Variants in PDZRN3 observed in about 807,000 individuals in gnomAD.
PDZRN3 encodes the protein PDZ domain containing ring finger 3.
Under a neutral mutation model 85.7 loss-of-function variants are expected in PDZRN3, and 38 were observed. The ratio of observed to expected loss-of-function variants is 0.44; its 90% confidence interval spans 0.34 to 0.58. The LOEUF is 0.58. Among genes scored for constraint, PDZRN3 ranks in the 20% least tolerant of loss-of-function variants. The probability of loss-of-function intolerance (pLI) is 0.01; values close to 1 mark genes in which losing one functional copy is unlikely to be tolerated. For missense variants in PDZRN3, 1,629 were observed against 1,506.4 expected (o/e 1.08, Z -1.35); for synonymous variants, 759 against 638.0 (o/e 1.19, Z -2.86).
chr3:73,452,190 A>T (rs1272684956), intron 3 of PDZRN3, among the ~76,000 whole-genome samples: 1 of 152,102 alleles, frequency 6.6e-6, no homozygotes, highest in Non-Finnish European at 1.5e-5. Context: ...ATCTCCAGCC[A>T]TCATTCCACA....
intron 3 of PDZRN3, among the ~76,000 whole-genome samples, chr3:73,438,200 G>A (rs1292780265): frequency 6.6e-6 from 1 of 152,172 alleles, no homozygotes; most frequent in Non-Finnish European, 1.5e-5. Flanking sequence ...CACACAATGA[G>A]ACAAACAGAT....
At chr3:73,604,849 G>C (rs1041159016) in intron 2 of PDZRN3, among the ~76,000 whole-genome samples, 1 of 152,156 alleles carries the variant, frequency 6.6e-6, no homozygotes, top group Non-Finnish European at 1.5e-5. Flanking sequence ...GCAAAAATCA[G>C]AGAGGAAGAA....
At chr3:73,535,524 T>C (rs975337509) in intron 3 of PDZRN3, among the ~76,000 whole-genome samples, 3 of 152,192 alleles carry the variant, frequency 2.0e-5, no homozygotes, top group Non-Finnish European at 4.4e-5. Flanking sequence ...CCTATCCATA[T>C]TCCCAAAGCT....
rs141978067 is a variant in PDZRN3, at chr3:73,454,806, T to G, written c.919-50411A>C. The stretch of plus-strand genomic sequence containing the variant: ...TAACTAAATAGATTTTTTAAAAGCA[T>G]GAACAAATACTACAAAACATCCAAA... On this transcript the variant is annotated intron_variant, in intron 3 of 9. Coordinates refer to ENST00000263666, the MANE Select transcript of PDZRN3 (RefSeq NM_015009.3). 1.9e-4 allele frequency among the ~76,000 whole-genome samples: 29 copies of G among 152,318 alleles called. No individual in the cohort carries two copies. In the East Asian group the frequency reaches 5.6e-3, roughly 29 times the overall value.
At chr3:73,566,180 A>G (rs567499830) in intron 3 of PDZRN3, among the ~76,000 whole-genome samples, 6 of 152,348 alleles carry the variant, frequency 3.9e-5, no homozygotes, top group Non-Finnish European at 8.8e-5. Context: ...TCATTCAGCA[A>G]CTTTGCAATT....
At chr3:73,565,019 T>A (rs538054892) in intron 3 of PDZRN3, among the ~76,000 whole-genome samples, 102 of 152,124 alleles carry the variant, frequency 6.7e-4, no homozygotes, top group Non-Finnish European at 1.3e-3. Flanking sequence ...TACAGAGTGT[T>A]AAGGTAACTG....
At chr3:73,446,046 T>C (rs1053052655) in intron 3 of PDZRN3, among the ~76,000 whole-genome samples, 5 of 152,204 alleles carry the variant, frequency 3.3e-5, no homozygotes, top group Admixed American at 2.0e-4. Flanking sequence ...TCCCTGGGGG[T>C]AAGCACAAGT....
chr3:73,402,554 A>C (rs1303156984), intron 4 of PDZRN3: 1 of 152,246 alleles, frequency 6.6e-6, no homozygotes, highest in Non-Finnish European at 1.5e-5. Context: ...GCACATGTGC[A>C]CACTGTGAGT....
intron 4 of PDZRN3, among the ~76,000 whole-genome samples, chr3:73,402,909 G>A (rs556745433): frequency 1.3e-5 from 2 of 151,006 alleles, no homozygotes; most frequent in Admixed American, 1.3e-4. Context: ...GAGAGGCTGT[G>A]TCCTCAGATG....
intron 5 of PDZRN3, among the ~76,000 whole-genome samples, chr3:73,394,904 T>A (rs1173386029): frequency 6.6e-6 from 1 of 152,172 alleles, no homozygotes; most frequent in Admixed American, 6.5e-5. Context: ...TCTGTACGGA[T>A]TTATGGTTTA....
At chr3:73,511,960 G>T (rs189430063) in intron 3 of PDZRN3, among the ~76,000 whole-genome samples, 1 of 152,320 alleles carries the variant, frequency 6.6e-6, no homozygotes, top group African/African-American at 2.4e-5. Context: ...ACTTCTGATT[G>T]GTACGAATGT....
At position 73,383,281 on chromosome 3, in the gene PDZRN3, C is replaced by T. The variant is rs1013875895; in HGVS notation, c.*84G>A. 6 of 1,327,766 alleles carry T rather than the reference C, an allele frequency of 4.5e-6. No individual in the cohort carries two copies. In the Admixed American group the frequency reaches 9.0e-5, roughly 20 times the overall value. The allele number at this position is 1,327,766 out of a possible 1,614,324, so 82.2% of individuals were successfully genotyped here. A position where few individuals can be genotyped will look rare whatever the true frequency, so the allele number is the denominator to read the frequency against. ...ATGAAGACCGTACTTATCTTATATA[C>T]AAAAACTTGCCGCATTGAACGAGGC... is the stretch of plus-strand genomic sequence containing the variant. On this transcript the variant is annotated 3_prime_UTR_variant, in exon 10 of 10. Transcript: ENST00000263666.
intron 3 of PDZRN3, among the ~76,000 whole-genome samples, chr3:73,556,117 A>G (rs1054238356): frequency 3.3e-5 from 5 of 152,230 alleles, no homozygotes; most frequent in Non-Finnish European, 5.9e-5. Context: ...AATGAACATA[A>G]TAATTGCCAA....
intron 3 of PDZRN3, among the ~76,000 whole-genome samples, chr3:73,432,381 G>A (rs1441046682): frequency 2.6e-5 from 4 of 152,184 alleles, no homozygotes; most frequent in Non-Finnish European, 2.9e-5. Flanking sequence ...GTCACAGGTC[G>A]GAAATGTATT....
At chr3:73,405,843 C>T (rs1440375528) in intron 3 of PDZRN3, among the ~76,000 whole-genome samples, 1 of 152,220 alleles carries the variant, frequency 6.6e-6, no homozygotes, top group East Asian at 1.9e-4. Context: ...TTCAGTTTCC[C>T]TATGTCCAGG....
At chr3:73,624,057 C>T in intron 1 of PDZRN3, 46 bp downstream of exon 1, 1 of 1,393,850 alleles carries the variant, frequency 7.2e-7, no homozygotes, top group Non-Finnish European at 9.2e-7. Flanking sequence ...GGCCCTGGGT[C>T]CCCAGGGATC....
In PDZRN3 at chr3:73,383,916, T is replaced by A. The variant is rs754812664; in HGVS notation, c.2650A>T (p.Met884Leu). ...PAHAQHYQSY[M>L]QLIQQKSAVE... ...GCCGACTTCTGCTGGATCAGCTGCA[T>A]GTAGCTCTGGTAGTGCTGGGCGTGC... is the stretch of plus-strand genomic sequence containing the variant. Residue 884 changes from methionine to leucine, a missense_variant, in exon 10 of 10, where the codon ATG becomes TTG. Transcript: ENST00000263666. 4 of 1,611,560 alleles carry A rather than the reference T, an allele frequency of 2.5e-6. No individual in the cohort carries two copies. The Admixed American group carries it at 5.0e-5, about 20-fold the overall frequency.
intron 5 of PDZRN3, among the ~76,000 whole-genome samples, chr3:73,397,847 T>C (rs561353230): frequency 2.6e-5 from 4 of 152,226 alleles, no homozygotes; most frequent in African/African-American, 7.2e-5. Context: ...CTGGCTGCTA[T>C]GGACTCAGAG....
chr3:73,553,858 G>C (rs1454220962), intron 3 of PDZRN3, among the ~76,000 whole-genome samples: 1 of 152,232 alleles, frequency 6.6e-6, no homozygotes, highest in African/African-American at 2.4e-5. Flanking sequence ...AGGGTGACAG[G>C]AGATGCTGGA....
Sources: allele counts gnomAD v4.1 joint callset (sites outside exome capture counted in the v4.1 genomes callset), GRCh38; gene constraint gnomAD v4.1.1; transcripts MANE v1.5; gene names NCBI Gene and HGNC (gene_info 2026-07-23, HGNC 2026-07-21).